GNE: variants seen among roughly 807,000 people sequenced by gnomAD.
The protein encoded by GNE is glucosamine (UDP-N-acetyl)-2-epimerase/N-acetylmannosamine kinase.
A neutral mutation model predicts 61.8 loss-of-function variants in GNE; 41 were observed. The observed-to-expected ratio is 0.66, with a 90% CI of 0.52 to 0.86. GNE has a LOEUF of 0.86. Ranked by LOEUF, GNE falls within the 40% of genes least tolerant of loss-of-function variation. The pLI is 0.00. For missense variants in GNE, 608 were observed against 909.1 expected, an observed-to-expected ratio of 0.67 and a Z score of 4.26; for synonymous variants, 264 against 326.4, an observed-to-expected ratio of 0.81 and a Z score of 2.06.
chr9:36,232,493 G>T (rs534203901), intron 5 of GNE, among the ~76,000 whole-genome samples: 2 of 152,176 alleles, frequency 1.3e-5, no homozygotes, highest in East Asian at 1.9e-4. Context: ...AACATCACCT[G>T]TATCACTCTG....
chr9:36,240,459 A>G (rs1829590133), intron 3 of GNE, among the ~76,000 whole-genome samples: 1 of 152,244 alleles, frequency 6.6e-6, no homozygotes, highest in African/African-American at 2.4e-5. Flanking sequence ...CATCACATTT[A>G]CTGACTTGTA....
In GNE at chr9:36,222,234, C is replaced by T. The variant is rs1001213847; in HGVS notation, c.1633+543G>A. Among the ~76,000 whole-genome samples, 14 of 151,834 alleles carry T rather than the reference C, an allele frequency of 9.2e-5. No individual in the cohort carries two copies. In the East Asian group the frequency reaches 1.2e-3, roughly 13 times the overall value. ...GAGATCGAGACCATCCCGGCTAAAA[C>T]GGTGAAACCCCGTCTCTACTAAAAA... On this transcript the variant is annotated intron_variant, in intron 9 of 11. Transcript: ENST00000642385.
chr9:36,239,141 GT>G (rs1300474627), intron 3 of GNE, among the ~76,000 whole-genome samples: 2 of 152,252 alleles, frequency 1.3e-5, no homozygotes. Flanking sequence ...TGGCCTTATA[GT>G]ATAGTTTGAA....
chr9:36,268,924 G>A (rs1487519155), intron 1 of GNE, among the ~76,000 whole-genome samples: 1 of 152,106 alleles, frequency 6.6e-6, no homozygotes, highest in Admixed American at 6.6e-5. Context: ...GAGGTCAGGA[G>A]TTCAAGACCA....
chr9:36,251,058 C>T (rs750003968), intron 1 of GNE, among the ~76,000 whole-genome samples: 3 of 152,156 alleles, frequency 2.0e-5, no homozygotes, highest in Non-Finnish European at 4.4e-5. Flanking sequence ...TGCCAAAGTG[C>T]CAGCCATACC....
chr9:36,216,764 C>T lies in GNE; in HGVS notation c.*601G>A, dbSNP rs1828328906. 2 of 157,468 alleles carry T rather than the reference C, an allele frequency of 1.3e-5. No individual in the cohort carries two copies. Among genetic ancestry groups the T allele is most frequent in the African/African-American group, 4.9e-5 (2 of 41,228 alleles). 9.8% of individuals were successfully genotyped at this position (157,468 alleles called of 1,614,324 possible). A position where few individuals can be genotyped will look rare whatever the true frequency, so the allele number is the denominator to read the frequency against. ...TCAGTTCACTGCCAGCTCCGCCTCCCTGGTTCATGCCATTCTCCTGCCTCA... is the reference window on the plus strand; with the variant it reads ...TCAGTTCACTGCCAGCTCCGCCTCCTTGGTTCATGCCATTCTCCTGCCTCA... On this transcript the variant is annotated 3_prime_UTR_variant, in exon 12 of 12. Transcript: ENST00000642385.
At chr9:36,238,519 A>T (rs1373203398) in intron 3 of GNE, among the ~76,000 whole-genome samples, 2 of 152,200 alleles carry the variant, frequency 1.3e-5, no homozygotes, top group Non-Finnish European at 2.9e-5. Flanking sequence ...GCATTTTTTC[A>T]TATGTTTGTT....
chr9:36,215,860 C>G lies in GNE; in HGVS notation c.*1505G>C, dbSNP rs1025064093. The G allele has an allele frequency of 6.4e-6, 1 of 157,166 alleles. No individual in the cohort carries two copies. The highest frequency in any genetic ancestry group is 1.9e-4 in the East Asian group (1 of 5,396). 9.7% of individuals were successfully genotyped at this position (157,166 alleles called of 1,614,324 possible). On this transcript the variant is annotated 3_prime_UTR_variant, in exon 12 of 12. Transcript: ENST00000642385. Reference sequence around the variant, plus strand: ...AAAACTCAAAACTTTAATGGACACCCTAGGGTGTTACTCAACACAGTATGA... The same window carrying G: ...AAAACTCAAAACTTTAATGGACACCGTAGGGTGTTACTCAACACAGTATGA...
intron 1 of GNE, among the ~76,000 whole-genome samples, chr9:36,249,883 C>CA (rs568526742): frequency 1.3e-3 from 169 of 129,726 alleles, no homozygotes; most frequent in Middle Eastern, 4.1e-3. Context: ...GACTCCATCT[C>CA]AAAAAAAAAA....
Position 36,233,836 on chromosome 9 carries a change from G to C in GNE, c.982+84C>G, listed in dbSNP as rs747818963. 3.9e-6 allele frequency: 4 copies of C among 1,016,612 alleles called. No homozygotes were observed. In the South Asian group the frequency reaches 5.1e-5, roughly 13 times the overall value. The allele number at this position is 1,016,612 out of a possible 1,614,324, so 63.0% of individuals were successfully genotyped here. A position where few individuals can be genotyped will look rare whatever the true frequency, so the allele number is the denominator to read the frequency against. On this transcript the variant is annotated intron_variant, in intron 5 of 11. Coordinates refer to ENST00000642385, the MANE Select transcript of GNE (RefSeq NM_005476.7). ...TCACTCACTTGTTCACAAAATATAT[G>C]CTCAGTACTGATATATGCATACCTT...
intron 1 of GNE, among the ~76,000 whole-genome samples, chr9:36,272,199 A>G (rs1047261280): frequency 2.0e-5 from 3 of 152,214 alleles, no homozygotes; most frequent in African/African-American, 4.8e-5. Context: ...AGATGCAGAC[A>G]AGATGTGAGC....
At chr9:36,232,774 T>C (rs1432686056) in intron 5 of GNE, among the ~76,000 whole-genome samples, 1 of 152,252 alleles carries the variant, frequency 6.6e-6, no homozygotes, top group Non-Finnish European at 1.5e-5. Flanking sequence ...TGTATGTCTA[T>C]CATCTATCTC....
At chr9:36,245,410 T>A (rs557365997) in intron 3 of GNE, among the ~76,000 whole-genome samples, 167 of 151,210 alleles carry the variant, frequency 1.1e-3, no homozygotes, top group African/African-American at 3.8e-3. Flanking sequence ...TACAGCTGGG[T>A]GCAGTGGCTC....
intron 7 of GNE, 50 bp downstream of exon 7, chr9:36,227,198 A>G (rs185979147): frequency 2.6e-4 from 305 of 1,192,422 alleles, no homozygotes; most frequent in Middle Eastern, 1.9e-3. Flanking sequence ...TAAAAAAAAA[A>G]TCAATCGCTC....
At chr9:36,232,334 CCG>C (rs386734485) in intron 5 of GNE, among the ~76,000 whole-genome samples, 13 of 98,382 alleles carry the variant, frequency 1.3e-4, no homozygotes, top group African/African-American at 6.1e-4. Context: ...TCTTGCCCCC[CCG>C]CCCCCCCTCC....
rs4008358 is a variant in GNE at position 36,276,175 on chromosome 9, A to AAC, written c.51+717_51+718dup. On this transcript the variant is annotated intron_variant, in intron 1 of 11. Transcript: ENST00000396594. Reference sequence around the variant, plus strand: ...GTGACAGAGCAAGATCCTGTCTTTAAACACACACACACACACACGTTTGTA... The same window carrying AAC: ...GTGACAGAGCAAGATCCTGTCTTTAAACACACACACACACACACACGTTTGTA... Among the ~76,000 whole-genome samples the AAC allele has an allele frequency of 1.4e-3, 214 of 151,304 alleles. 1 individual carries two copies. Among genetic ancestry groups the AAC allele is most frequent in the African/African-American group, 3.5e-3 (146 of 41,320 alleles).
In GNE at chr9:36,245,685, TAAATA is replaced by T. The variant is rs759065874; in HGVS notation, c.616+341_616+345del. Among the ~76,000 whole-genome samples the T allele has an allele frequency of 2.6e-5, 4 of 152,074 alleles. No individual in the cohort carries two copies. In the East Asian group the frequency reaches 5.8e-4, roughly 22 times the overall value. Reference sequence around the variant, plus strand: ...CAAGACTCCATCTCAAAAAATAAAATAAATAAAATAAAATGAAATGGCATATTACA... The same window carrying T: ...CAAGACTCCATCTCAAAAAATAAAATAAATAAAATGAAATGGCATATTACA... On this transcript the variant is annotated intron_variant, in intron 3 of 11. Transcript: ENST00000642385.
chr9:36,222,290 G>T (rs921534578), intron 9 of GNE, among the ~76,000 whole-genome samples: 3 of 151,344 alleles, frequency 2.0e-5, no homozygotes, highest in Admixed American at 1.3e-4. Flanking sequence ...GTAGTGGCGG[G>T]CGCCTGTAGT....
intron 2 of GNE, among the ~76,000 whole-genome samples, chr9:36,247,856 G>A (rs1255584577): frequency 3.3e-5 from 5 of 151,756 alleles, no homozygotes; most frequent in African/African-American, 7.2e-5. Context: ...GAGAAACCCC[G>A]TCTCTACTAA....
Sources: allele counts gnomAD v4.1 joint callset (sites outside exome capture counted in the v4.1 genomes callset), GRCh38; gene constraint gnomAD v4.1.1; transcripts MANE v1.5; gene names NCBI Gene and HGNC (gene_info 2026-07-23, HGNC 2026-07-21).